Variants in DDX3X observed in about 807,000 individuals in gnomAD.
DDX3X encodes the protein DEAD-box helicase 3 X-linked, also known as ATP-dependent RNA helicase DDX3X.
A neutral mutation model predicts 52.7 loss-of-function variants in DDX3X; 4 were observed. The ratio of observed to expected loss-of-function variants is 0.08; its 90% CI spans 0.04 to 0.17. The LOEUF (loss-of-function observed/expected upper bound fraction) is 0.17. Among genes scored for constraint, DDX3X ranks in the 10% least tolerant of loss-of-function variants. DDX3X has a pLI of 1.00. For missense variants in DDX3X, 222 were observed against 548.6 expected, an observed-to-expected ratio of 0.40 and a Z score of 5.95; for synonymous variants, 192 against 178.1, an observed-to-expected ratio of 1.08 and a Z score of -0.62.
At chrX:41,335,659 G>A (rs931638620) in intron 1 of DDX3X, 1 of 112,017 alleles carries the variant, frequency 8.9e-6, no homozygotes, top group African/African-American at 3.2e-5. Context: ...AAGTTTAGTG[G>A]CACAAATTAA....
At position 41,344,500 on chromosome X, in the gene DDX3X, C is replaced by T. The variant is rs183788562; in HGVS notation, c.1025+101C>T. The T allele has an allele frequency of 1.2e-5, 12 of 972,365 alleles. No individual in the cohort carries two copies. The East Asian group carries it at 1.2e-4, about 10-fold the overall frequency. The allele number at this position is 972,365 out of a possible 1,213,427, so 80.1% of individuals were successfully genotyped here. ...TTGCCCAGGCTGGAGTGCCATGGCG[C>T]GATCTCGGCTCACCACAACCTCTGC... is the stretch of plus-strand genomic sequence containing the variant. On this transcript the variant is annotated intron_variant, in intron 10 of 16. Transcript: ENST00000644876.
Position 41,341,468 on chromosome X carries a change from G to A in DDX3X, c.152-16G>A, listed in dbSNP as rs1170357282. On this transcript the variant is annotated splice_polypyrimidine_tract_variant and intron_variant, in intron 3 of 16. Transcript: ENST00000644876. ...CTAATTAATAATAAAATGTATTTGT[G>A]CTTTTTTAATCAAAGGTTTCTACGA... 2 of 1,177,453 alleles carry A rather than the reference G, an allele frequency of 1.7e-6. No homozygotes were observed. The highest frequency in any genetic ancestry group is 2.3e-6 in the Non-Finnish European group (2 of 869,247).
intron 3 of DDX3X, chrX:41,339,879 GTAT>G (rs1442632546): frequency 2.1e-5 from 2 of 95,667 alleles, no homozygotes; most frequent in Non-Finnish European, 4.2e-5. Context: ...TATAAAATCT[GTAT>G]TATTTCTACC....
upstream of DDX3X, chrX:41,334,151 C>T (rs762810836): frequency 1.5e-5 from 13 of 867,652 alleles, no homozygotes; most frequent in Non-Finnish European, 2.1e-5. Context: ...CGTGGCCGCG[C>T]GGTGCGCTCC....
intron 3 of DDX3X, chrX:41,340,650 C>A: frequency 3.6e-6 from 1 of 279,811 alleles, no homozygotes; most frequent in South Asian, 2.3e-4. Flanking sequence ...TCCTGATTGT[C>A]ATCAAGCTTA....
At chrX:41,336,711 C>T (rs1001524922) in intron 1 of DDX3X, 6 of 111,583 alleles carry the variant, frequency 5.4e-5, no homozygotes, top group African/African-American at 1.3e-4. Flanking sequence ...TGAATTCCAG[C>T]CTGGATGACA....
At chrX:41,341,022 G>A (rs751211530) in intron 3 of DDX3X, 48 of 224,922 alleles carry the variant, frequency 2.1e-4, no homozygotes, top group Non-Finnish European at 3.5e-4. Flanking sequence ...TTTCACTCTT[G>A]TTTCCCGTGC....
intron 4 of DDX3X, chrX:41,342,248 T>G (rs1344840262): frequency 3.2e-6 from 1 of 316,093 alleles, no homozygotes; most frequent in African/African-American, 2.7e-5. Flanking sequence ...TATTCTTAAT[T>G]TTGGCATCTG....
chrX:41,354,076 CTG>C (rs1182777669), downstream of DDX3X, among the ~76,000 whole-genome samples: 2 of 111,345 alleles, frequency 1.8e-5, no homozygotes, highest in African/African-American at 3.3e-5. Context: ...TCTAATAAAA[CTG>C]TATAGATTCA....
At chrX:41,341,948 G>A (rs2063856701) in intron 4 of DDX3X, 1 of 191,485 alleles carries the variant, frequency 5.2e-6, no homozygotes, top group African/African-American at 3.0e-5. Flanking sequence ...GATTACACAA[G>A]TGTGGTGAAC....
intron 5 of DDX3X, among the ~76,000 whole-genome samples, chrX:41,363,412 G>A (rs1174354230): frequency 9.1e-6 from 1 of 109,988 alleles, no homozygotes; most frequent in Non-Finnish European, 1.9e-5. Flanking sequence ...GCAATAGAGT[G>A]AGACTCTGTC....
downstream of DDX3X, among the ~76,000 whole-genome samples, chrX:41,354,397 C>T (rs1250012315): frequency 1.1e-5 from 1 of 90,355 alleles, no homozygotes; most frequent in Non-Finnish European, 2.0e-5. Flanking sequence ...GACCATAGCT[C>T]GCAGTAGCCT....
chrX:41,352,958 GCAAA>G (rs887552060), downstream of DDX3X, among the ~76,000 whole-genome samples: 1 of 111,567 alleles, frequency 9.0e-6, no homozygotes, highest in African/African-American at 3.3e-5. Context: ...AACAGATATT[GCAAA>G]CAAAGTAATG....
intron 1 of DDX3X, among the ~76,000 whole-genome samples, chrX:41,337,070 C>CTTTAT: frequency 8.9e-6 from 1 of 112,101 alleles, no homozygotes; most frequent in East Asian, 2.8e-4. Context: ...TCAGTGTAAG[C>CTTTAT]TTTAGTTTGG....
At position 41,348,660 on chromosome X, in the gene DDX3X, TC is replaced by T. The variant is rs2063956123; in HGVS notation, c.*942del. 8.9e-6 allele frequency: 1 copy of T among 112,612 alleles called. No individual in the cohort carries two copies. Among genetic ancestry groups the T allele is most frequent in the Non-Finnish European group, 1.9e-5 (1 of 53,295 alleles). 9.3% of individuals were successfully genotyped at this position (112,612 alleles called of 1,213,427 possible). ...GGCTGACCACAGCAATGACCAGCCC[TC>T]ATTAGGGCCCTGGATGATTTTTGGT... On this transcript the variant is annotated 3_prime_UTR_variant, in exon 17 of 17. Coordinates refer to ENST00000644876, the MANE Select transcript of DDX3X (RefSeq NM_001356.5).
chrX:41,336,747 T>A (rs935656792), intron 1 of DDX3X: 93 of 111,871 alleles, frequency 8.3e-4, no homozygotes, highest in African/African-American at 2.7e-3. Context: ...TCAAAAAAAA[T>A]AAAAATAAAA....
chrX:41,354,344 C>T (rs866303180), downstream of DDX3X, among the ~76,000 whole-genome samples: 4 of 69,944 alleles, frequency 5.7e-5, no homozygotes, highest in South Asian at 1.1e-3. Context: ...TGTGCTACCT[C>T]TTTTTTTTTT....
At chrX:41,334,481 CCGGTCT>C in intron 1 of DDX3X, 184 bp downstream of exon 1, 2 of 1,096,116 alleles carry the variant, frequency 1.8e-6, no homozygotes, top group Non-Finnish European at 2.4e-6. Flanking sequence ...TCGCCCGGGC[CCGGTCT>C]CGGCCCGCTG....
intron 2 of DDX3X, 134 bp downstream of exon 2, chrX:41,337,599 T>C (rs982359683): frequency 2.0e-5 from 10 of 487,993 alleles, no homozygotes; most frequent in Middle Eastern, 6.0e-4. Context: ...CTTTGTGTTA[T>C]AGAATTATGT....
Sources: allele counts gnomAD v4.1 joint callset (sites outside exome capture counted in the v4.1 genomes callset), GRCh38; gene constraint gnomAD v4.1.1; transcripts MANE v1.5; gene names NCBI Gene and HGNC (gene_info 2026-07-23, HGNC 2026-07-21).